The following RAB30 variants were observed in gnomAD, a reference collection of about 807,000 sequenced individuals.
The protein encoded by RAB30 is ras-related protein Rab-30.
RAB30 carries 9 observed loss-of-function variants against 25.1 expected under a neutral mutation model. That is an observed-to-expected ratio of 0.36 (90% CI 0.22 to 0.63). The LOEUF (loss-of-function observed/expected upper bound fraction) is 0.63. Ranked by LOEUF, RAB30 falls within the 20% of genes least tolerant of loss-of-function variation. The pLI is 0.69. For missense variants in RAB30, 140 were observed against 243.5 expected, an observed-to-expected ratio of 0.58 and a Z score of 2.83; for synonymous variants, 77 against 86.4, an observed-to-expected ratio of 0.89 and a Z score of 0.60.
intron 1 of RAB30, among the ~76,000 whole-genome samples, chr11:83,014,808 G>A (rs924508026): frequency 1.3e-5 from 2 of 150,804 alleles, no homozygotes; most frequent in Admixed American, 6.6e-5. Flanking sequence ...GAGGGAGGCA[G>A]GAAGGAAGGA....
intron 1 of RAB30, among the ~76,000 whole-genome samples, chr11:83,025,501 T>C (rs1857689334): frequency 6.6e-6 from 1 of 152,234 alleles, no homozygotes; most frequent in Non-Finnish European, 1.5e-5. Flanking sequence ...ACAGTTGTGC[T>C]TGTAAAAGAC....
intron 1 of RAB30, among the ~76,000 whole-genome samples, chr11:83,008,492 T>C (rs1360616036): frequency 1.3e-5 from 2 of 152,220 alleles, no homozygotes; most frequent in Admixed American, 6.5e-5. Flanking sequence ...CAGGCCATTA[T>C]TGCATCCTTG....
chr11:82,997,127 G>T, intron 2 of RAB30, 97 bp downstream of exon 2: 1 of 990,228 alleles, frequency 1.0e-6, no homozygotes, highest in Non-Finnish European at 1.6e-6. Context: ...CCCTGGCATT[G>T]AAACTGGTCA....
chr11:83,005,306 A>G (rs1235427129), intron 1 of RAB30, among the ~76,000 whole-genome samples: 1 of 152,158 alleles, frequency 6.6e-6, no homozygotes, highest in Non-Finnish European at 1.5e-5. Flanking sequence ...AGAACACACT[A>G]TGTGTCCCCA....
At chr11:82,991,042 G>A (rs1400276927) in intron 3 of RAB30, among the ~76,000 whole-genome samples, 1 of 152,136 alleles carries the variant, frequency 6.6e-6, no homozygotes, top group Non-Finnish European at 1.5e-5. Context: ...GGACACTGAT[G>A]AGGGTGTCAG....
intron 1 of RAB30, chr11:83,034,586 A>AT (rs1857947423): frequency 6.6e-6 from 1 of 152,186 alleles, no homozygotes; most frequent in South Asian, 2.1e-4. Flanking sequence ...TTAAAAAAAA[A>AT]CAAAAAGTCT....
At chr11:82,985,796 T>A (rs996416421) in intron 4 of RAB30, among the ~76,000 whole-genome samples, 1 of 151,282 alleles carries the variant, frequency 6.6e-6, no homozygotes, top group Non-Finnish European at 1.5e-5. Context: ...CCTGCAGCCT[T>A]CAACTTCTGG....
At position 82,979,971 on chromosome 11, in the gene RAB30, T is replaced by C. The variant is rs1856611464; in HGVS notation, c.*2194A>G. On this transcript the variant is annotated 3_prime_UTR_variant, in exon 5 of 5. Coordinates refer to ENST00000527633, the MANE Select transcript of RAB30 (RefSeq NM_001286060.2). The stretch of plus-strand genomic sequence containing the variant: ...AAATCAGTCCAATCTAACACAGCCA[T>C]TTCCTCTAAGTTCACAAAGCAACTT... 1 of 152,216 alleles carries C rather than the reference T, an allele frequency of 6.6e-6. No homozygotes were observed. Among genetic ancestry groups the C allele is most frequent in the Non-Finnish European group, 1.5e-5 (1 of 68,024 alleles). The allele number at this position is 152,216 out of a possible 1,614,324, so 9.4% of individuals were successfully genotyped here.
chr11:83,046,855 T>A (rs1858246227), intron 1 of RAB30, among the ~76,000 whole-genome samples: 1 of 152,210 alleles, frequency 6.6e-6, no homozygotes, highest in South Asian at 2.1e-4. Flanking sequence ...AGATCATATG[T>A]GGCCCCCAAA....
intron 1 of RAB30, among the ~76,000 whole-genome samples, chr11:83,056,846 A>G (rs1176499624): frequency 6.6e-6 from 1 of 152,240 alleles, no homozygotes; most frequent in South Asian, 2.1e-4. Flanking sequence ...ACTAAAAAAA[A>G]GTTTGCCAAT....
chr11:83,033,055 C>CCTTT (rs1565284142), intron 1 of RAB30, among the ~76,000 whole-genome samples: 3 of 77,864 alleles, frequency 3.9e-5, no homozygotes, highest in African/African-American at 5.1e-5. Context: ...GCCTCAAATT[C>CCTTT]TTTTTTTTTT....
chr11:83,007,979 T>C (rs143139907), intron 1 of RAB30, among the ~76,000 whole-genome samples: 3 of 152,334 alleles, frequency 2.0e-5, no homozygotes, highest in African/African-American at 7.2e-5. Context: ...CAATAAACAA[T>C]ACCACTGCAA....
intron 1 of RAB30, among the ~76,000 whole-genome samples, chr11:83,021,073 A>C (rs1481642358): frequency 2.0e-5 from 3 of 151,856 alleles, no homozygotes; most frequent in African/African-American, 7.3e-5. Context: ...GGAGTTAAAC[A>C]CTCATCAGGA....
At chr11:83,008,248 A>G (rs1278090936) in intron 1 of RAB30, among the ~76,000 whole-genome samples, 1 of 152,222 alleles carries the variant, frequency 6.6e-6, no homozygotes, top group African/African-American at 2.4e-5. Flanking sequence ...TCAGAGGCCT[A>G]CCAGGAACAG....
At chr11:83,028,239 A>G (rs953772764) in intron 1 of RAB30, among the ~76,000 whole-genome samples, 2 of 152,338 alleles carry the variant, frequency 1.3e-5, no homozygotes, top group East Asian at 3.9e-4. Context: ...ACTTTTTTTA[A>G]ATCTTCAATA....
intron 1 of RAB30, among the ~76,000 whole-genome samples, chr11:83,001,082 G>A (rs1857073344): frequency 1.3e-5 from 2 of 148,952 alleles, no homozygotes; most frequent in Non-Finnish European, 3.0e-5. Context: ...GCTTTGTCAT[G>A]GTGAACATTA....
chr11:83,041,303 T>C (rs1408719046), intron 1 of RAB30: 1 of 182,108 alleles, frequency 5.5e-6, no homozygotes, highest in Admixed American at 5.2e-5. Flanking sequence ...AGGGCCTCAA[T>C]CACATGCTCC....
At chr11:82,989,795 G>A (rs1476744860) in intron 3 of RAB30, among the ~76,000 whole-genome samples, 2 of 152,200 alleles carry the variant, frequency 1.3e-5, no homozygotes, top group Non-Finnish European at 2.9e-5. Flanking sequence ...TGATTATTGA[G>A]GATATTCATA....
intron 1 of RAB30, among the ~76,000 whole-genome samples, chr11:83,049,547 C>T (rs1283450907): frequency 6.6e-6 from 1 of 150,982 alleles, no homozygotes; most frequent in East Asian, 1.9e-4. Context: ...GTGGCGTGAT[C>T]ATAGCTCACT....
Sources: allele counts gnomAD v4.1 joint callset (sites outside exome capture counted in the v4.1 genomes callset), GRCh38; gene constraint gnomAD v4.1.1; transcripts MANE v1.5; gene names NCBI Gene and HGNC (gene_info 2026-07-23, HGNC 2026-07-21).